The following SLIT2 variants were observed in gnomAD, a reference collection of about 807,000 sequenced individuals.
SLIT2 encodes the protein slit homolog 2 protein.
In SLIT2, 41 loss-of-function variants were observed where a neutral mutation model predicts 185.7. The ratio of observed to expected loss-of-function variants is 0.22; its 90% confidence interval spans 0.17 to 0.29. SLIT2 has a LOEUF of 0.29. Among genes scored for constraint, SLIT2 ranks in the 10% least tolerant of loss-of-function variants. SLIT2 has a pLI of 1.00. For synonymous variants in SLIT2, 693 were observed against 680.2 expected (o/e 1.02, Z -0.29); for missense variants, 1,571 against 1,909.0 (o/e 0.82, Z 3.30).
intron 33 of SLIT2, among the ~76,000 whole-genome samples, chr4:20,600,884 G>A (rs956305934): frequency 1.3e-5 from 2 of 151,246 alleles, no homozygotes; most frequent in South Asian, 2.1e-4. Context: ...ATTCAGATAT[G>A]TAGATATGTA....
intron 4 of SLIT2, among the ~76,000 whole-genome samples, chr4:20,333,204 GAA>G (rs971909572): frequency 6.6e-6 from 1 of 151,976 alleles, no homozygotes; most frequent in Non-Finnish European, 1.5e-5. Flanking sequence ...TCTTCTGGGG[GAA>G]AAAAATTCAA....
chr4:20,346,938 G>A (rs13138510), intron 4 of SLIT2, among the ~76,000 whole-genome samples: 40,748 of 152,054 alleles, frequency 0.27, 5,828 homozygotes, highest in East Asian at 0.46. Context: ...TACCCACCCG[G>A]ATTGAGGATG....
chr4:20,261,694 G>A (rs140128646), intron 3 of SLIT2, among the ~76,000 whole-genome samples: 1 of 151,986 alleles, frequency 6.6e-6, no homozygotes, highest in Admixed American at 6.6e-5. Flanking sequence ...GTTATAGGAT[G>A]TTTTATTATT....
intron 4 of SLIT2, among the ~76,000 whole-genome samples, chr4:20,276,316 G>C (rs1028032620): frequency 3.9e-5 from 6 of 152,024 alleles, no homozygotes; most frequent in African/African-American, 1.2e-4. Context: ...CTATAACTGA[G>C]TTGATTATAA....
intron 11 of SLIT2, among the ~76,000 whole-genome samples, chr4:20,513,504 A>T (rs2148829986): frequency 6.6e-6 from 1 of 152,330 alleles, no homozygotes; most frequent in East Asian, 1.9e-4. Context: ...ACCACAGTTA[A>T]TATGTTCAAA....
At position 20,389,218 on chromosome 4, in the gene SLIT2, T is replaced by A. The variant is rs1206881632; in HGVS notation, c.396-78534T>A. 2.0e-5 allele frequency among the ~76,000 whole-genome samples: 3 copies of A among 151,866 alleles called. No homozygotes were observed. In the East Asian group the frequency reaches 5.8e-4, roughly 29 times the overall value. The stretch of plus-strand genomic sequence containing the variant: ...TATTATCATCACTAATATGTTATTG[T>A]AATTATTATAGGGTATTATTATCAT... On this transcript the variant is annotated intron_variant, in intron 4 of 36. Coordinates refer to ENST00000504154, the MANE Select transcript of SLIT2 (RefSeq NM_004787.4).
At position 20,438,774 on chromosome 4, in the gene SLIT2, G is replaced by A. The variant is rs187522356; in HGVS notation, c.396-28978G>A. On this transcript the variant is annotated intron_variant, in intron 4 of 36. Coordinates refer to ENST00000504154, the MANE Select transcript of SLIT2 (RefSeq NM_004787.4). ...CATGTCAGGAATATTTCCACCCTGG[G>A]GCCTTTGCACTGGCCATTCGTTCTG... Among the ~76,000 whole-genome samples the A allele has an allele frequency of 4.5e-3, 690 of 152,184 alleles. 4 individuals carry two copies. Among genetic ancestry groups the A allele is most frequent in the Middle Eastern group, 0.017 (5 of 294 alleles).
intron 26 of SLIT2, among the ~76,000 whole-genome samples, chr4:20,562,764 A>G (rs758290834): frequency 2.0e-5 from 3 of 151,844 alleles, no homozygotes; most frequent in Non-Finnish European, 2.9e-5. Context: ...TTGGTTTTAA[A>G]TAAAAACCTT....
At chr4:20,381,354 A>T (rs1436265431) in intron 4 of SLIT2, among the ~76,000 whole-genome samples, 1 of 152,166 alleles carries the variant, frequency 6.6e-6, no homozygotes, top group Non-Finnish European at 1.5e-5. Flanking sequence ...AGAATAATAA[A>T]TATAAGAATA....
intron 4 of SLIT2, among the ~76,000 whole-genome samples, chr4:20,455,967 T>C (rs1480486906): frequency 2.6e-5 from 4 of 152,166 alleles, no homozygotes; most frequent in African/African-American, 9.6e-5. Context: ...CATATTTTAG[T>C]TGAAGTCTGT....
At chr4:20,569,222 TAAAGCCATGCTATCCAGTAATA>T in intron 29 of SLIT2, 1 of 526,806 alleles carries the variant, frequency 1.9e-6, no homozygotes, top group Non-Finnish European at 3.4e-6. Context: ...GCATCTATTA[TAAAGCCATGCTATCCAGTAATA>T]AAAGAAGCTA....
chr4:20,371,814 T>C (rs894699969), intron 4 of SLIT2, among the ~76,000 whole-genome samples: 4 of 152,104 alleles, frequency 2.6e-5, no homozygotes, highest in Non-Finnish European at 4.4e-5. Context: ...TATGGAAATA[T>C]AGAGAGATTC....
chr4:20,321,262 A>C (rs1222590380), intron 4 of SLIT2, among the ~76,000 whole-genome samples: 1 of 152,122 alleles, frequency 6.6e-6, no homozygotes, highest in Non-Finnish European at 1.5e-5. Context: ...GCTACACATC[A>C]CTCAGTCATT....
chr4:20,359,034 T>C (rs1722546037), intron 4 of SLIT2, among the ~76,000 whole-genome samples: 1 of 152,148 alleles, frequency 6.6e-6, no homozygotes, highest in Non-Finnish European at 1.5e-5. Context: ...TCGAGAATCG[T>C]TTCTTGCCAA....
chr4:20,369,477 G>A (rs535328422), intron 4 of SLIT2, among the ~76,000 whole-genome samples: 4 of 152,252 alleles, frequency 2.6e-5, no homozygotes, highest in African/African-American at 4.8e-5. Context: ...GCAGTTGTGA[G>A]TACTTGCAAC....
Position 20,362,284 on chromosome 4 carries a change from A to G in SLIT2, c.395+93403A>G, listed in dbSNP as rs187661475. The stretch of plus-strand genomic sequence containing the variant: ...TGGGGCTTGGAGTCAGTTGTGGAGC[A>G]CAGGGTGGGTGAAGGCAGAGGAGAG... On this transcript the variant is annotated intron_variant, in intron 4 of 36. Coordinates refer to ENST00000504154, the MANE Select transcript of SLIT2 (RefSeq NM_004787.4). 7.9e-5 allele frequency among the ~76,000 whole-genome samples: 12 copies of G among 152,252 alleles called. No homozygotes were observed. The East Asian group carries it at 1.6e-3, about 20-fold the overall frequency.
chr4:20,551,187 T>C (rs1295660044), intron 25 of SLIT2, among the ~76,000 whole-genome samples: 2 of 152,198 alleles, frequency 1.3e-5, no homozygotes, highest in Non-Finnish European at 2.9e-5. Context: ...TTTCTCTCAT[T>C]ATTATCTGAT....
chr4:20,410,976 T>G (rs1217178954), intron 4 of SLIT2, among the ~76,000 whole-genome samples: 2 of 152,228 alleles, frequency 1.3e-5, no homozygotes, highest in African/African-American at 4.8e-5. Context: ...TTAATAGGAA[T>G]AGCATTAAAT....
chr4:20,369,339 C>A (rs551865651), intron 4 of SLIT2, among the ~76,000 whole-genome samples: 1 of 152,010 alleles, frequency 6.6e-6, no homozygotes, highest in African/African-American at 2.4e-5. Flanking sequence ...GGTTCCTTTT[C>A]CTCTGGTTTT....
Sources: allele counts gnomAD v4.1 joint callset (sites outside exome capture counted in the v4.1 genomes callset), GRCh38; gene constraint gnomAD v4.1.1; transcripts MANE v1.5; gene names NCBI Gene and HGNC (gene_info 2026-07-23, HGNC 2026-07-21).